ACAD10: variants seen among roughly 807,000 people sequenced by gnomAD.
ACAD10 encodes the protein acyl-CoA dehydrogenase family member 10.
In ACAD10, 112 loss-of-function variants were observed where a neutral mutation model predicts 116.8. The observed-to-expected ratio is 0.96, with a 90% CI of 0.82 to 1.12. The LOEUF is 1.12. ACAD10 is among the 50% of genes most tolerant of loss of function. The pLI is 0.00. For synonymous variants in ACAD10, 486 were observed against 510.6 expected, an observed-to-expected ratio of 0.95 and a Z score of 0.65; for missense variants, 1,259 against 1,350.2, an observed-to-expected ratio of 0.93 and a Z score of 1.06.
chr12:111,688,631 G>A (rs949801821), intron 1 of ACAD10, among the ~76,000 whole-genome samples: 2 of 151,822 alleles, frequency 1.3e-5, no homozygotes, highest in East Asian at 2.0e-4. Context: ...GTTAACACCC[G>A]TCTCCACTAT....
chr12:111,743,369 G>GT (rs869257828), intron 12 of ACAD10, among the ~76,000 whole-genome samples: 5,940 of 136,366 alleles, frequency 0.044, 347 homozygotes, highest in African/African-American at 0.13. Flanking sequence ...GAAATATTCT[G>GT]TTTTTTTTTT....
rs1218475378 is a variant in ACAD10, at chr12:111,709,575, A to G, written c.581A>G (p.Tyr194Cys). 1.2e-6 allele frequency: 2 copies of G among 1,613,470 alleles called. No individual in the cohort carries two copies. The highest frequency in any genetic ancestry group is 1.7e-5 in the Admixed American group (1 of 59,852). ...ATCTGTAAGCCAGACCCTAGGATCT[A>G]CAAGCTGTGCTTGGAGCAGCTCGGC... The part of the protein sequence containing the change: ...EGICKPDPRI[Y>C]KLCLEQLGLQ... The change falls in exon 5 of 21, where the codon TAC becomes TGC. Residue 194 changes from tyrosine to cysteine, a missense_variant. Tyr to Cys is a radical substitution (Grantham distance 194, BLOSUM62 -2). Coordinates refer to ENST00000313698, the MANE Select transcript of ACAD10 (RefSeq NM_025247.6).
chr12:111,710,775 G>A (rs951885558), intron 5 of ACAD10, among the ~76,000 whole-genome samples: 16 of 151,904 alleles, frequency 1.1e-4, no homozygotes, highest in South Asian at 2.1e-4. Context: ...GCCTCACCAC[G>A]CCCGGCCGTG....
intron 4 of ACAD10, among the ~76,000 whole-genome samples, chr12:111,709,227 T>C (rs994523784): frequency 2.0e-5 from 3 of 152,086 alleles, no homozygotes; most frequent in Admixed American, 6.6e-5. Flanking sequence ...ATTAATATTA[T>C]TCCCATTTTA....
Position 111,755,746 on chromosome 12 carries a change from G to T in ACAD10, c.3039+1G>T, listed in dbSNP as rs761940532. The T allele has an allele frequency of 5.0e-6, 8 of 1,613,422 alleles. No individual in the cohort carries two copies. In the African/African-American group the frequency reaches 6.7e-5, roughly 13 times the overall value. ...CCGAGTGATTGATCGTGCGATTCAG[G>T]TGAGCACAGACCAGACAGTTGGCTT... is the stretch of plus-strand genomic sequence containing the variant. On this transcript the variant is annotated splice_donor_variant, in intron 20 of 20. Coordinates refer to ENST00000313698, the MANE Select transcript of ACAD10 (RefSeq NM_025247.6). LOFTEE classifies it high-confidence loss of function.
At chr12:111,708,785 A>C (rs1298678943) in intron 4 of ACAD10, among the ~76,000 whole-genome samples, 2 of 152,102 alleles carry the variant, frequency 1.3e-5, no homozygotes, top group Non-Finnish European at 1.5e-5. Flanking sequence ...CTTTCGGGGA[A>C]TCAGTGGATC....
chr12:111,714,801 C>T (rs1320283053), intron 6 of ACAD10, among the ~76,000 whole-genome samples: 1 of 152,124 alleles, frequency 6.6e-6, no homozygotes, highest in Non-Finnish European at 1.5e-5. Context: ...CAACCTCCGC[C>T]TCTTGGGTTC....
intron 4 of ACAD10, among the ~76,000 whole-genome samples, chr12:111,707,086 G>A (rs1888533632): frequency 7.1e-6 from 1 of 141,198 alleles, no homozygotes; most frequent in Non-Finnish European, 1.5e-5. Context: ...CCCCTATTTG[G>A]GTACTCTCTT....
At chr12:111,736,286 A>G (rs889593007) in intron 11 of ACAD10, among the ~76,000 whole-genome samples, 2 of 147,350 alleles carry the variant, frequency 1.4e-5, no homozygotes, top group Non-Finnish European at 3.0e-5. Flanking sequence ...TCCTGGATTC[A>G]TGCAATTCTC....
chr12:111,736,791 C>T (rs770310262), intron 11 of ACAD10, 40 bp from the exon 12 acceptor site: 21 of 1,584,704 alleles, frequency 1.3e-5, no homozygotes, highest in South Asian at 1.0e-4. Flanking sequence ...GGGCGTGTCA[C>T]GTCAGTGACT....
chr12:111,753,964 C>G (rs1261713016), intron 19 of ACAD10, 49 bp downstream of exon 19: 1 of 1,544,760 alleles, frequency 6.5e-7, no homozygotes, highest in Non-Finnish European at 8.7e-7. Context: ...GATTCTTCCT[C>G]CTCACTCAGC....
chr12:111,722,855 C>T (rs1366885109), intron 8 of ACAD10, among the ~76,000 whole-genome samples: 3 of 152,186 alleles, frequency 2.0e-5, no homozygotes, highest in Non-Finnish European at 4.4e-5. Flanking sequence ...TTCTATTCCA[C>T]AAAGCCGCCA....
intron 16 of ACAD10, 87 bp downstream of exon 16, chr12:111,747,472 G>A (rs1889945637): frequency 1.3e-6 from 2 of 1,585,614 alleles, no homozygotes; most frequent in Non-Finnish European, 1.7e-6. Context: ...AGGAGCCTCT[G>A]CTTTTTCAAG....
rs541499308 is a variant in ACAD10, at chr12:111,757,030, A to C, written c.*557A>C. On this transcript the variant is annotated 3_prime_UTR_variant, in exon 21 of 21. Transcript: ENST00000313698. ...TCCATTTGAACACACAGCACAGAACAATCATTTAAATGTTATTTTGGAAAG... is the reference window on the plus strand; with the variant it reads ...TCCATTTGAACACACAGCACAGAACCATCATTTAAATGTTATTTTGGAAAG... The C allele has an allele frequency of 5.5e-6, 2 of 366,968 alleles. No individual in the cohort carries two copies. The highest frequency in any genetic ancestry group is 3.6e-5 in the Admixed American group (1 of 27,928). The allele number at this position is 366,968 out of a possible 1,614,324, so 22.7% of individuals were successfully genotyped here.
intron 2 of ACAD10, among the ~76,000 whole-genome samples, chr12:111,698,411 T>C (rs1179680730): frequency 6.6e-6 from 1 of 151,596 alleles, no homozygotes; most frequent in Non-Finnish European, 1.5e-5. Flanking sequence ...AGCCTTTTTT[T>C]TTTTTTTTAA....
intron 5 of ACAD10, among the ~76,000 whole-genome samples, chr12:111,712,130 G>T (rs1342786719): frequency 6.6e-6 from 1 of 152,208 alleles, no homozygotes; most frequent in Non-Finnish European, 1.5e-5. Flanking sequence ...CAGTAGGATG[G>T]ATGCGTCAGC....
chr12:111,692,838 AGCGGTGATTTTCGACATGG>A lies in ACAD10; in HGVS notation c.134_152del (p.Val45GlufsTer26). ...CACACCTTGGAGGCAGCACCTACAG[AGCGGTGATTTTCGACATGG>A]GCGGAGTTCTCATTCCTTCTCCAGG... is the stretch of plus-strand genomic sequence containing the variant. On this transcript the variant is annotated frameshift_variant, in exon 2 of 21. Coordinates refer to ENST00000313698, the MANE Select transcript of ACAD10 (RefSeq NM_025247.6). LOFTEE classifies it high-confidence loss of function. 1 of 1,614,150 alleles carries A rather than the reference AGCGGTGATTTTCGACATGG, an allele frequency of 6.2e-7. No individual in the cohort carries two copies. Among genetic ancestry groups the A allele is most frequent in the Non-Finnish European group, 8.5e-7 (1 of 1,180,034 alleles).
chr12:111,744,627 C>G lies in ACAD10; in HGVS notation c.1715-16C>G. On this transcript the variant is annotated splice_polypyrimidine_tract_variant and intron_variant, in intron 12 of 20. Coordinates refer to ENST00000313698, the MANE Select transcript of ACAD10 (RefSeq NM_025247.6). ...TCGTGTGGGAGTAATCACTGTTTTT[C>G]TTTGATTCTGCTTAGGGCAAGCAAG... 1 of 1,598,868 alleles carries G rather than the reference C, an allele frequency of 6.3e-7. No individual in the cohort carries two copies.
At chr12:111,721,206 C>T (rs1474621700) in intron 7 of ACAD10, among the ~76,000 whole-genome samples, 3 of 152,044 alleles carry the variant, frequency 2.0e-5, no homozygotes, top group African/African-American at 4.8e-5. Context: ...TTTGTTCTTA[C>T]CTACTTTTGG....
Sources: allele counts gnomAD v4.1 joint callset (sites outside exome capture counted in the v4.1 genomes callset), GRCh38; gene constraint gnomAD v4.1.1; transcripts MANE v1.5; gene names NCBI Gene and HGNC (gene_info 2026-07-23, HGNC 2026-07-21).